The following PIK3CB variants were observed in gnomAD, a reference collection of about 807,000 sequenced individuals.
PIK3CB encodes the protein phosphatidylinositol-4,5-bisphosphate 3-kinase catalytic subunit beta, also known as phosphatidylinositol 4,5-bisphosphate 3-kinase catalytic subunit beta isoform.
PIK3CB carries 39 observed loss-of-function variants against 136.8 expected under a neutral mutation model. That is an observed-to-expected ratio of 0.29 (90% CI 0.22 to 0.37). The LOEUF is 0.37. PIK3CB is among the 10% of genes least tolerant of loss of function. The probability of loss-of-function intolerance (pLI) is 1.00; values close to 1 mark genes in which losing one functional copy is unlikely to be tolerated. For synonymous variants in PIK3CB, 428 were observed against 436.6 expected, an observed-to-expected ratio of 0.98 and a Z score of 0.25; for missense variants, 868 against 1,275.4, an observed-to-expected ratio of 0.68 and a Z score of 4.87.
At chr3:138,821,865 A>G (rs1933576278) in intron 1 of PIK3CB, among the ~76,000 whole-genome samples, 1 of 151,608 alleles carries the variant, frequency 6.6e-6, no homozygotes, top group Non-Finnish European at 1.5e-5. Context: ...GAGTTAAGAC[A>G]GCTTGGCCGG....
At chr3:138,673,815 G>A (rs1218577053) in intron 19 of PIK3CB, among the ~76,000 whole-genome samples, 1 of 152,132 alleles carries the variant, frequency 6.6e-6, no homozygotes, top group Non-Finnish European at 1.5e-5. Context: ...CCACAATCAT[G>A]GTGAATGCAT....
At chr3:138,726,600 C>T (rs1169953859) in intron 8 of PIK3CB, among the ~76,000 whole-genome samples, 1 of 152,144 alleles carries the variant, frequency 6.6e-6, no homozygotes, top group African/African-American at 2.4e-5. Flanking sequence ...AAAAGAGGTA[C>T]AATTCATACA....
chr3:138,756,748 AC>A (rs1184516080), intron 3 of PIK3CB, among the ~76,000 whole-genome samples: 1 of 152,222 alleles, frequency 6.6e-6, no homozygotes, highest in Non-Finnish European at 1.5e-5. Context: ...AGGAGAAAGT[AC>A]AAGCAACAAC....
intron 1 of PIK3CB, among the ~76,000 whole-genome samples, chr3:138,799,103 T>C (rs940189930): frequency 1.3e-5 from 2 of 150,654 alleles, no homozygotes; most frequent in Non-Finnish European, 3.0e-5. Context: ...ATGCCTATAA[T>C]CCCAGCTACT....
chr3:138,815,356 C>CAAAAAAA (rs56785236), intron 1 of PIK3CB, among the ~76,000 whole-genome samples: 1 of 26,486 alleles, frequency 3.8e-5, no homozygotes, highest in African/African-American at 1.5e-4. Flanking sequence ...CATCCTGTCT[C>CAAAAAAA]AAAAAAAAAA....
At chr3:138,717,828 G>A (rs2044644563) in intron 8 of PIK3CB, among the ~76,000 whole-genome samples, 1 of 152,128 alleles carries the variant, frequency 6.6e-6, no homozygotes, top group Non-Finnish European at 1.5e-5. Context: ...AAGGATAATA[G>A]CCTCCAGCTC....
chr3:138,823,571 C>T (rs1254156034), intron 1 of PIK3CB, among the ~76,000 whole-genome samples: 1 of 151,966 alleles, frequency 6.6e-6, no homozygotes, highest in Non-Finnish European at 1.5e-5. Flanking sequence ...GGCGTGGTGG[C>T]GCATGCCTGT....
chr3:138,818,610 T>C (rs1933431504), intron 1 of PIK3CB, among the ~76,000 whole-genome samples: 1 of 152,122 alleles, frequency 6.6e-6, no homozygotes, highest in Admixed American at 6.6e-5. Context: ...TCTTTTTGGC[T>C]CATCTTACAC....
intron 1 of PIK3CB, among the ~76,000 whole-genome samples, chr3:138,822,091 T>C (rs571276147): frequency 2.9e-4 from 44 of 151,938 alleles, no homozygotes; most frequent in African/African-American, 9.7e-4. Context: ...AGAGCCAAGA[T>C]GGTTCCACTG....
chr3:138,694,899 C>G lies in PIK3CB; in HGVS notation c.1779G>C (p.Ala593=), dbSNP rs61755419. The G allele has an allele frequency of 6.3e-7, 1 of 1,586,486 alleles. No homozygotes were observed. Among genetic ancestry groups the G allele is most frequent in the Non-Finnish European group, 8.5e-7 (1 of 1,171,584 alleles). Residue 593 remains alanine (A), a synonymous_variant, in exon 14 of 24, where the codon GCG becomes GCC. Transcript: ENST00000674063. ...GCAGTTTAGGCCAAATCTGAAGCAG[C>G]GCCTGAAGCTGTTTAAAAAATGAAA... The part of the protein sequence containing the change: ...NKLEDVAQLQ[A]LLQIWPKLPP...
At chr3:138,701,457 T>C (rs2044250635) in intron 12 of PIK3CB, among the ~76,000 whole-genome samples, 1 of 152,112 alleles carries the variant, frequency 6.6e-6, no homozygotes, top group East Asian at 1.9e-4. Flanking sequence ...AAAAATGCCA[T>C]TTTTTAAAGG....
At chr3:138,739,058 T>C (rs1162427930) in intron 5 of PIK3CB, among the ~76,000 whole-genome samples, 1 of 152,162 alleles carries the variant, frequency 6.6e-6, no homozygotes, top group East Asian at 1.9e-4. Flanking sequence ...AGAAACCTAA[T>C]CTCTAATGTG....
chr3:138,731,982 C>CA (rs61012273), intron 8 of PIK3CB, among the ~76,000 whole-genome samples: 83 of 120,508 alleles, frequency 6.9e-4, no homozygotes, highest in East Asian at 1.4e-3. Context: ...GACTCCATCT[C>CA]AAAAAAAAAA....
At chr3:138,782,707 A>G (rs1269970417) in intron 2 of PIK3CB, among the ~76,000 whole-genome samples, 1 of 152,126 alleles carries the variant, frequency 6.6e-6, no homozygotes, top group East Asian at 1.9e-4. Flanking sequence ...TGACACTTAC[A>G]CCTTCTCTTT....
At chr3:138,663,621 A>G (rs2043346062) in intron 21 of PIK3CB, among the ~76,000 whole-genome samples, 1 of 152,144 alleles carries the variant, frequency 6.6e-6, no homozygotes, top group African/African-American at 2.4e-5. Flanking sequence ...ACCTCAGGTA[A>G]TCCGGCCGGC....
chr3:138,663,767 G>A (rs1008604539), intron 21 of PIK3CB, 139 bp downstream of exon 21: 1 of 750,884 alleles, frequency 1.3e-6, no homozygotes, highest in African/African-American at 1.8e-5. Flanking sequence ...TGAAACGAGA[G>A]GTAGTGAGAA....
At chr3:138,748,167 A>G (rs1679339440) in intron 4 of PIK3CB, among the ~76,000 whole-genome samples, 1 of 139,374 alleles carries the variant, frequency 7.2e-6, no homozygotes, top group Non-Finnish European at 1.5e-5. Flanking sequence ...ACACACACAC[A>G]CACACACACA....
chr3:138,729,174 C>T (rs756800482), intron 8 of PIK3CB, among the ~76,000 whole-genome samples: 5 of 151,360 alleles, frequency 3.3e-5, no homozygotes, highest in Non-Finnish European at 7.4e-5. Context: ...CCAGCTACAC[C>T]GGACACTGAG....
intron 10 of PIK3CB, among the ~76,000 whole-genome samples, chr3:138,711,503 T>C (rs983123964): frequency 2.9e-5 from 4 of 136,384 alleles, no homozygotes; most frequent in Admixed American, 8.5e-5. Flanking sequence ...CGCTTGAACC[T>C]GGGAGGCAGA....
Sources: gnomAD v4.1 joint callset for allele counts (sites outside exome capture counted in the v4.1 genomes callset) on GRCh38, gnomAD v4.1.1 for gene constraint, MANE v1.5 for transcripts, NCBI Gene and HGNC (gene_info 2026-07-23, HGNC 2026-07-21) for gene names.